ZNF652: variants seen among roughly 807,000 people sequenced by gnomAD.
The protein encoded by ZNF652 is zinc finger protein 652.
A neutral mutation model predicts 45.2 loss-of-function variants in ZNF652; 16 were observed. The ratio of observed to expected loss-of-function variants is 0.35; its 90% CI spans 0.24 to 0.54. The LOEUF (loss-of-function observed/expected upper bound fraction) is 0.54, where lower values mean the gene tolerates loss of function less well. Among genes scored for constraint, ZNF652 ranks in the 20% least tolerant of loss-of-function variants. The pLI is 0.91. For synonymous variants in ZNF652, 250 were observed against 260.6 expected (o/e 0.96, Z 0.39); for missense variants, 614 against 765.6 (o/e 0.80, Z 2.34).
rs200069600 is a variant in ZNF652 at position 49,292,214 on chromosome 17, CT to C, written c.*6198del. ...TCAAATCTCCTCATTTGAAAGAGTT[CT>C]TTTTTTTTTTCCTTTTTCTCCAGTT... On this transcript the variant is annotated 3_prime_UTR_variant, in exon 6 of 6. Transcript: ENST00000430262. Among the ~76,000 whole-genome samples the C allele has an allele frequency of 2.8e-4, 41 of 146,676 alleles. No homozygotes were observed. Among genetic ancestry groups the C allele is most frequent in the Middle Eastern group, 3.5e-3 (1 of 284 alleles).
In ZNF652 at chr17:49,298,876, C is replaced by T. The variant is rs879168380; in HGVS notation, c.1358G>A (p.Arg453His). ...TCTGCGGTGTCTCTTCATGTTGGGG[C>T]GGCTGGTGAAGCTTTTGCCACAGAT... is the stretch of plus-strand genomic sequence containing the variant. ...CEICGKSFTS[R>H]PNMKRHRRTH... The change falls in exon 6 of 6, where the codon CGC becomes CAC. Residue 453 changes from arginine (R) to histidine (H), a missense_variant. Arg to His is a conservative substitution (Grantham distance 29, BLOSUM62 0). Transcript: ENST00000430262. 2 of 1,613,174 alleles carry T rather than the reference C, an allele frequency of 1.2e-6. No individual in the cohort carries two copies. The highest frequency in any genetic ancestry group is 1.7e-6 in the Non-Finnish European group (2 of 1,179,696).
chr17:49,296,310 A>G lies in ZNF652; in HGVS notation c.*2103T>C, dbSNP rs913758916. 2 of 152,600 alleles carry G rather than the reference A, an allele frequency of 1.3e-5. No homozygotes were observed. The highest frequency in any genetic ancestry group is 6.5e-5 in the Admixed American group (1 of 15,272). 9.5% of individuals were successfully genotyped at this position (152,600 alleles called of 1,614,324 possible). On this transcript the variant is annotated 3_prime_UTR_variant, in exon 6 of 6. Transcript: ENST00000430262. The stretch of plus-strand genomic sequence containing the variant: ...ATTCCAAAATTTTCCTATGCTCATT[A>G]TATAAGACAGGCAAAATCAGAAGGA...
At chr17:49,349,665 T>C (rs2070249391) in intron 1 of ZNF652, among the ~76,000 whole-genome samples, 1 of 152,206 alleles carries the variant, frequency 6.6e-6, no homozygotes, top group Non-Finnish European at 1.5e-5. Context: ...AATTTCCTAG[T>C]AAACAAAAGT....
At chr17:49,356,922 T>C (rs1381834483) in intron 1 of ZNF652, among the ~76,000 whole-genome samples, 26 of 151,776 alleles carry the variant, frequency 1.7e-4, no homozygotes, top group Admixed American at 1.7e-3. Context: ...ACAAGCTGTA[T>C]GCATGGAATA....
At position 49,325,146 on chromosome 17, in the gene ZNF652, C is replaced by T. The variant is rs374849721; in HGVS notation, c.-258-7163G>A. ...CGTTTTGGCCTGTCTTGGCTTTTGA[C>T]AGGCCTTGCTCACTAAGCTTAATGA... On this transcript the variant is annotated intron_variant, in intron 1 of 5. Coordinates refer to ENST00000430262, the MANE Select transcript of ZNF652 (RefSeq NM_001145365.3). Among the ~76,000 whole-genome samples the T allele has an allele frequency of 8.5e-5, 13 of 152,304 alleles. No homozygotes were observed. The East Asian group carries it at 1.3e-3, about 16-fold the overall frequency.
At chr17:49,355,074 C>T (rs936257351) in intron 1 of ZNF652, among the ~76,000 whole-genome samples, 5 of 152,256 alleles carry the variant, frequency 3.3e-5, no homozygotes, top group African/African-American at 1.2e-4. Context: ...CATACAATTT[C>T]ATCAACCAAT....
intron 5 of ZNF652, among the ~76,000 whole-genome samples, chr17:49,310,146 G>C (rs528876201): frequency 6.6e-6 from 1 of 152,078 alleles, no homozygotes; most frequent in African/African-American, 2.4e-5. Flanking sequence ...GTAGAGATGG[G>C]GTTTCACCGT....
At chr17:49,340,549 CAAAAAAAAA>C (rs1040246588) in intron 1 of ZNF652, among the ~76,000 whole-genome samples, 2 of 50,140 alleles carry the variant, frequency 4.0e-5, no homozygotes, top group Non-Finnish European at 8.7e-5. Context: ...GACTCTGTCT[CAAAAAAAAA>C]AAAAAAAAAA....
At chr17:49,359,627 T>C (rs187155760) in intron 1 of ZNF652, among the ~76,000 whole-genome samples, 6 of 152,326 alleles carry the variant, frequency 3.9e-5, no homozygotes, top group Admixed American at 3.9e-4. Flanking sequence ...ATCTCCTGAT[T>C]GCAATACGAC....
At chr17:49,350,713 T>C (rs1025917818) in intron 1 of ZNF652, among the ~76,000 whole-genome samples, 2 of 151,480 alleles carry the variant, frequency 1.3e-5, no homozygotes, top group Admixed American at 6.6e-5. Flanking sequence ...CTCACAGCTG[T>C]AATCCCAGCA....
Position 49,351,006 on chromosome 17 carries a change from TATATATATACACACACACACACACACAC to T in ZNF652, c.-259+10875_-259+10902del, listed in dbSNP as rs1253849127. ...ATATATATATATATATATATATATA[TATATATATACACACACACACACACACAC>T]ACACACACACACACACACACATATT... On this transcript the variant is annotated intron_variant, in intron 1 of 5. Transcript: ENST00000430262. Among the ~76,000 whole-genome samples the T allele has an allele frequency of 3.3e-3, 71 of 21,270 alleles. 3 individuals are homozygous for T. Among genetic ancestry groups the T allele is most frequent in the African/African-American group, 0.017 (68 of 3,998 alleles). The allele number at this position is 21,270 out of a possible 152,430, so 14.0% of individuals were successfully genotyped here. A position where few individuals can be genotyped will look rare whatever the true frequency, so the allele number is the denominator to read the frequency against.
At position 49,317,904 on chromosome 17, in the gene ZNF652, A is replaced by C. The variant is rs1267756838; in HGVS notation, c.-179T>G. On this transcript the variant is annotated 5_prime_UTR_variant, in exon 2 of 6. Transcript: ENST00000430262. ...TGCAGCACCAAAGCATGAGTCAAAAAGGTTTGGTATTATGGCAAGAGCAGA... is the reference window on the plus strand; with the variant it reads ...TGCAGCACCAAAGCATGAGTCAAAACGGTTTGGTATTATGGCAAGAGCAGA... 2.9e-6 allele frequency: 2 copies of C among 688,980 alleles called. No individual in the cohort carries two copies. The highest frequency in any genetic ancestry group is 4.5e-6 in the Non-Finnish European group (2 of 445,808). The allele number at this position is 688,980 out of a possible 1,614,324, so 42.7% of individuals were successfully genotyped here. A position where few individuals can be genotyped will look rare whatever the true frequency, so the allele number is the denominator to read the frequency against.
chr17:49,307,864 A>C (rs2069654557), intron 5 of ZNF652, among the ~76,000 whole-genome samples: 1 of 152,212 alleles, frequency 6.6e-6, no homozygotes, highest in African/African-American at 2.4e-5. Flanking sequence ...GTATGTAATA[A>C]ATTATAGCTA....
chr17:49,335,129 T>C (rs1227178912), intron 1 of ZNF652, among the ~76,000 whole-genome samples: 1 of 152,224 alleles, frequency 6.6e-6, no homozygotes, highest in Admixed American at 6.5e-5. Flanking sequence ...AAATGAATTA[T>C]ATTTCAATAA....
Position 49,312,035 on chromosome 17 carries a change from T to A in ZNF652, c.1056A>T (p.Thr352=). ...AHVRKHMVAH[T]KDMPFTCETC... ...TTTCGCATGTAAATGGCATGTCTTTTGTGTGTGCTGCAACACAGAATGTAC... is the reference window on the plus strand; with the variant it reads ...TTTCGCATGTAAATGGCATGTCTTTAGTGTGTGCTGCAACACAGAATGTAC... The change falls in exon 4 of 6, where the codon ACA becomes ACT. Residue 352 remains threonine (T), a synonymous_variant. Transcript: ENST00000430262. The A allele has an allele frequency of 6.2e-7, 1 of 1,612,882 alleles. No individual in the cohort carries two copies. Among genetic ancestry groups the A allele is most frequent in the East Asian group, 2.2e-5 (1 of 44,872 alleles).
Position 49,298,618 on chromosome 17 carries a change from G to A in ZNF652, c.1616C>T (p.Pro539Leu). The A allele has an allele frequency of 4.3e-6, 7 of 1,613,516 alleles. No individual in the cohort carries two copies. Among genetic ancestry groups the A allele is most frequent in the Non-Finnish European group, 5.9e-6 (7 of 1,179,746 alleles). ...GAAGGGGTGGGGGATGGGCCGAGGG[G>A]GAAGAGTGCTTACAGGATTCATATT... Reference protein sequence around the residue: ...PINMNPVSTLPPRPIPHPFSH... With the variant: ...PINMNPVSTLLPRPIPHPFSH... Residue 539 changes from proline to leucine, a missense_variant, in exon 6 of 6, where the codon CCC (proline) becomes CTC (leucine). Pro to Leu is a moderately conservative substitution (Grantham distance 98). Coordinates refer to ENST00000430262, the MANE Select transcript of ZNF652 (RefSeq NM_001145365.3).
chr17:49,349,415 C>A (rs185106092), intron 1 of ZNF652, among the ~76,000 whole-genome samples: 3 of 151,856 alleles, frequency 2.0e-5, no homozygotes, highest in African/African-American at 2.4e-5. Flanking sequence ...GAAAAAAAAA[C>A]AACAAAACAA....
intron 1 of ZNF652, chr17:49,322,382 T>C (rs926699414): frequency 1.3e-5 from 2 of 152,232 alleles, no homozygotes; most frequent in African/African-American, 4.8e-5. Flanking sequence ...TCTACTTCTA[T>C]ACCTTCCTTT....
chr17:49,315,943 C>G (rs1179758221), intron 2 of ZNF652, among the ~76,000 whole-genome samples: 1 of 152,048 alleles, frequency 6.6e-6, no homozygotes, highest in African/African-American at 2.4e-5. Context: ...AGAAGCACAC[C>G]AAAAAACAAA....
Sources: gnomAD v4.1 joint callset for allele counts (sites outside exome capture counted in the v4.1 genomes callset) on GRCh38, gnomAD v4.1.1 for gene constraint, MANE v1.5 for transcripts, NCBI Gene and HGNC (gene_info 2026-07-23, HGNC 2026-07-21) for gene names.